Variants in ANXA11 observed in about 807,000 individuals in gnomAD.
ANXA11 encodes 56 kDa autoantigen.
ANXA11 carries 57 observed loss-of-function variants against 64.7 expected under a neutral mutation model. The ratio of observed to expected loss-of-function variants is 0.88; its 90% CI spans 0.71 to 1.10. The LOEUF (loss-of-function observed/expected upper bound fraction) is 1.10. Ranked by LOEUF, ANXA11 falls within the 50% of genes least tolerant of loss-of-function variation. The pLI is 0.00. For missense variants in ANXA11, 675 were observed against 670.7 expected, an observed-to-expected ratio of 1.01 and a Z score of -0.07; for synonymous variants, 260 against 265.2, an observed-to-expected ratio of 0.98 and a Z score of 0.19.
chr10:80,188,566 C>T (rs1218761677), intron 1 of ANXA11, among the ~76,000 whole-genome samples: 1 of 143,482 alleles, frequency 7.0e-6, no homozygotes, highest in East Asian at 2.1e-4. Flanking sequence ...TAACTTAGTC[C>T]CTAGGAGGCA....
At chr10:80,197,204 T>G (rs1206674268) in intron 1 of ANXA11, among the ~76,000 whole-genome samples, 3 of 152,164 alleles carry the variant, frequency 2.0e-5, no homozygotes, top group African/African-American at 7.2e-5. Context: ...TCCAGGCCAG[T>G]GCATTATGAA....
At chr10:80,166,688 G>A (rs1370516217) in intron 7 of ANXA11, 1 of 588,054 alleles carries the variant, frequency 1.7e-6, no homozygotes, top group Non-Finnish European at 3.0e-6. Context: ...GATGTCTGGA[G>A]CCTCTCAGCA....
intron 3 of ANXA11, 49 bp downstream of exon 3, chr10:80,172,758 A>G (rs764538591): frequency 1.9e-6 from 3 of 1,549,136 alleles, no homozygotes; most frequent in Non-Finnish European, 2.7e-6. Flanking sequence ...ACTCCCAGCC[A>G]CTGTACAGAG....
At chr10:80,172,621 G>C (rs976472360) in intron 3 of ANXA11, among the ~76,000 whole-genome samples, 186 bp downstream of exon 3, 2 of 152,152 alleles carry the variant, frequency 1.3e-5, no homozygotes, top group African/African-American at 4.8e-5. Flanking sequence ...GATGGCCTTA[G>C]TGTCATGCTC....
chr10:80,200,365 G>GAT (rs1840368016), intron 1 of ANXA11, among the ~76,000 whole-genome samples: 1 of 152,168 alleles, frequency 6.6e-6, no homozygotes, highest in Non-Finnish European at 1.5e-5. Context: ...AAAGAAAAGA[G>GAT]ATTCTCCCAG....
In ANXA11 at chr10:80,155,031, C is replaced by T. The variant is rs3748242; in HGVS notation, c.*822G>A. The T allele has an allele frequency of 0.18, 27,726 of 152,278 alleles. 3,048 individuals are homozygous for T. Among genetic ancestry groups the T allele is most frequent in the Non-Finnish European group, 0.25 (17,049 of 67,974 alleles). The allele number at this position is 152,278 out of a possible 1,614,324, so 9.4% of individuals were successfully genotyped here. A position where few individuals can be genotyped will look rare whatever the true frequency, so the allele number is the denominator to read the frequency against. ...AGGGTTTCCTGCACACAAATCTCTACGTAAGGTTACATGAACTTTCACTGG... is the reference window on the plus strand; with the variant it reads ...AGGGTTTCCTGCACACAAATCTCTATGTAAGGTTACATGAACTTTCACTGG... On this transcript the variant is annotated 3_prime_UTR_variant, in exon 16 of 16. Transcript: ENST00000422982.
intron 15 of ANXA11, chr10:80,156,501 G>A: frequency 2.1e-6 from 1 of 469,156 alleles, no homozygotes; most frequent in Non-Finnish European, 4.4e-6. Flanking sequence ...GAGATACTCT[G>A]TAATGAATTA....
intron 2 of ANXA11, 53 bp downstream of exon 2, chr10:80,176,054 C>T (rs1846158017): frequency 6.6e-6 from 1 of 151,860 alleles, no homozygotes; most frequent in Non-Finnish European, 1.5e-5. Context: ...ACTCCGTCTC[C>T]AAAATAAATA....
Position 80,201,985 on chromosome 10 carries a change from G to A in ANXA11, c.-58+3358C>T, listed in dbSNP as rs117836677. ...TCCTTTCCTTCTTTTCTGCTAAGGCGGAGCCTAAGCCCCTGGAAAGCTAGA... is the reference window on the plus strand; with the variant it reads ...TCCTTTCCTTCTTTTCTGCTAAGGCAGAGCCTAAGCCCCTGGAAAGCTAGA... On this transcript the variant is annotated intron_variant, in intron 1 of 15. Transcript: ENST00000422982. 4.3e-3 allele frequency among the ~76,000 whole-genome samples: 662 copies of A among 152,202 alleles called. 3 individuals are homozygous for A. The highest frequency in any genetic ancestry group is 6.8e-3 in the Non-Finnish European group (465 of 68,012).
At chr10:80,185,667 A>T (rs1846511869) in intron 1 of ANXA11, among the ~76,000 whole-genome samples, 1 of 152,272 alleles carries the variant, frequency 6.6e-6, no homozygotes, top group Non-Finnish European at 1.5e-5. Context: ...ACTGAACTTT[A>T]TAACAACCCT....
At chr10:80,204,385 A>T (rs1748854153) in intron 1 of ANXA11, among the ~76,000 whole-genome samples, 1 of 152,266 alleles carries the variant, frequency 6.6e-6, no homozygotes, top group African/African-American at 2.4e-5. Flanking sequence ...TGAGCATACC[A>T]GGCCCTGCCC....
chr10:80,157,772 A>G lies in ANXA11; in HGVS notation c.1336-9T>C. 1 of 1,610,782 alleles carries G rather than the reference A, an allele frequency of 6.2e-7. No individual in the cohort carries two copies. ...TCCTTTGTTCCTGCCCCCTAAAGAGAGTCCACCCAAGAGCATGAGCACCAG... is the reference window on the plus strand; with the variant it reads ...TCCTTTGTTCCTGCCCCCTAAAGAGGGTCCACCCAAGAGCATGAGCACCAG... On this transcript the variant is annotated splice_polypyrimidine_tract_variant and intron_variant, in intron 14 of 15. Coordinates refer to ENST00000422982, the MANE Select transcript of ANXA11 (RefSeq NM_145868.2).
chr10:80,202,613 T>C (rs980753571), intron 1 of ANXA11, among the ~76,000 whole-genome samples: 9 of 151,734 alleles, frequency 5.9e-5, no homozygotes, highest in Non-Finnish European at 1.3e-4. Context: ...GATCAGAGGG[T>C]GTTGCAGAGA....
At chr10:80,180,786 T>C (rs959673842) in intron 1 of ANXA11, among the ~76,000 whole-genome samples, 3 of 152,196 alleles carry the variant, frequency 2.0e-5, no homozygotes, top group African/African-American at 7.2e-5. Context: ...TCCCCCAAAG[T>C]TCATGTGCTG....
rs1041361213 is a variant in ANXA11 at position 80,152,852 on chromosome 10, C to G, written c.*3001G>C. ...TATCTATCTGCCAGATGGTCACTCT[C>G]CCTTACAGGGGTCAATAGCTTCACT... On this transcript the variant is annotated 3_prime_UTR_variant, in exon 16 of 16. Coordinates refer to ENST00000422982, the MANE Select transcript of ANXA11 (RefSeq NM_145868.2). 6.6e-6 allele frequency: 1 copy of G among 152,248 alleles called. No homozygotes were observed. Among genetic ancestry groups the G allele is most frequent in the East Asian group, 1.9e-4 (1 of 5,192 alleles). 9.4% of individuals were successfully genotyped at this position (152,248 alleles called of 1,614,324 possible).
chr10:80,177,367 G>A (rs966828532), intron 1 of ANXA11, among the ~76,000 whole-genome samples: 35 of 152,012 alleles, frequency 2.3e-4, no homozygotes, highest in African/African-American at 8.0e-4. Context: ...TCCCTCCAGT[G>A]GATGCTACTC....
intron 1 of ANXA11, among the ~76,000 whole-genome samples, chr10:80,204,576 C>T (rs1477857493): frequency 6.6e-6 from 1 of 152,220 alleles, no homozygotes; most frequent in Non-Finnish European, 1.5e-5. Context: ...CTGACTGTTT[C>T]CAGCTTGGGC....
intron 1 of ANXA11, among the ~76,000 whole-genome samples, chr10:80,184,574 C>CAA (rs1564620755): frequency 6.6e-6 from 1 of 151,338 alleles, no homozygotes; most frequent in Admixed American, 6.6e-5. Flanking sequence ...ATAACTAATA[C>CAA]GAGAGAGAGA....
At chr10:80,160,974 C>T (rs1453320790) in intron 12 of ANXA11, among the ~76,000 whole-genome samples, 1 of 152,120 alleles carries the variant, frequency 6.6e-6, no homozygotes, top group African/African-American at 2.4e-5. Flanking sequence ...ACCTCCTCAC[C>T]ACAAGCCCCT....
Sources: allele counts gnomAD v4.1 joint callset (sites outside exome capture counted in the v4.1 genomes callset), GRCh38; gene constraint gnomAD v4.1.1; transcripts MANE v1.5; gene names NCBI Gene and HGNC (gene_info 2026-07-23, HGNC 2026-07-21).